Variants in UBA6 observed in about 807,000 individuals in gnomAD.
UBA6 encodes the protein ubiquitin-like modifier-activating enzyme 6.
UBA6 carries 87 observed loss-of-function variants against 148.3 expected under a neutral mutation model. That is an observed-to-expected ratio of 0.59 (90% confidence interval 0.49 to 0.70). The LOEUF (loss-of-function observed/expected upper bound fraction) is 0.70. Ranked by LOEUF, UBA6 falls within the 30% of genes least tolerant of loss-of-function variation. The pLI is 0.00. For missense variants in UBA6, 1,186 were observed against 1,241.2 expected (o/e 0.96, Z 0.67); for synonymous variants, 376 against 401.0 (o/e 0.94, Z 0.75).
chr4:67,641,205 C>G lies in UBA6; in HGVS notation c.1500G>C (p.Leu500Phe), dbSNP rs779380702. The stretch of plus-strand genomic sequence containing the variant: ...GTCTATTTAAGTTGGATTTCTCTAT[C>G]AAGTCAGGATCTGTAACTGTAATCT... ...KGMITVTDPD[L>F]IEKSNLNRQF... Residue 500 changes from leucine to phenylalanine, a missense_variant, in exon 18 of 33, where the codon TTG (leucine) becomes TTC (phenylalanine). Transcript: ENST00000322244. 6.3e-7 allele frequency: 1 copy of G among 1,597,180 alleles called. No individual in the cohort carries two copies. Among genetic ancestry groups the G allele is most frequent in the Non-Finnish European group, 8.5e-7 (1 of 1,170,840 alleles).
rs531091066 is a variant in UBA6, at chr4:67,632,214, A to C, written c.2143-306T>G. Among the ~76,000 whole-genome samples the C allele has an allele frequency of 2.9e-4, 44 of 152,302 alleles. No individual in the cohort carries two copies. The South Asian group carries it at 8.9e-3, about 31-fold the overall frequency. On this transcript the variant is annotated intron_variant, in intron 23 of 32. Coordinates refer to ENST00000322244, the MANE Select transcript of UBA6 (RefSeq NM_018227.6). ...TCACTCCTTTTTATATAAATGGCAT[A>C]TTTTACATGTCATTCTGTTCTTTTT...
Position 67,677,718 on chromosome 4 carries a change from C to T in UBA6, c.358G>A (p.Glu120Lys). 3 of 1,546,938 alleles carry T rather than the reference C, an allele frequency of 1.9e-6. No homozygotes were observed. Among genetic ancestry groups the T allele is most frequent in the African/African-American group, 2.8e-5 (2 of 72,374 alleles). ...DDVVNKRNRAEAVLKHIAELN... is the reference protein window; with the variant it reads ...DDVVNKRNRAKAVLKHIAELN... ...TCTGCAATATGTTTAAGTACAGCTT[C>T]AGCCCTAAAAAAATAAAATAAATTT... The change falls in exon 6 of 33, where the codon GAA becomes AAA. Residue 120 changes from glutamate (E) to lysine (K), a missense_variant. Coordinates refer to ENST00000322244, the MANE Select transcript of UBA6 (RefSeq NM_018227.6).
At chr4:67,634,181 T>G in intron 22 of UBA6, 61 bp downstream of exon 22, 1 of 1,210,300 alleles carries the variant, frequency 8.3e-7, no homozygotes, top group Non-Finnish European at 1.2e-6. Flanking sequence ...GTAGATGACT[T>G]GAAAATAAGA....
At chr4:67,682,067 C>A (rs1730454285) in intron 3 of UBA6, 52 bp downstream of exon 3, 1 of 1,336,554 alleles carries the variant, frequency 7.5e-7, no homozygotes, top group African/African-American at 1.5e-5. Context: ...GTTATTTAAA[C>A]TATCTTCATT....
Position 67,615,172 on chromosome 4 carries a change from G to A in UBA6, c.*3825C>T, listed in dbSNP as rs1429092775. The A allele has an allele frequency of 6.6e-6, 1 of 152,202 alleles. No homozygotes were observed. Among genetic ancestry groups the A allele is most frequent in the African/African-American group, 2.4e-5 (1 of 41,448 alleles). 9.4% of individuals were successfully genotyped at this position (152,202 alleles called of 1,614,324 possible). A position where few individuals can be genotyped will look rare whatever the true frequency, so the allele number is the denominator to read the frequency against. On this transcript the variant is annotated 3_prime_UTR_variant, in exon 33 of 33. Transcript: ENST00000322244. ...CTGGTGGGAGGTGTTCGGGTTATGG[G>A]GATGGATATCTGGATCCCTCATAAA...
At chr4:67,692,553 C>A (rs890312005) in intron 2 of UBA6, among the ~76,000 whole-genome samples, 1 of 152,128 alleles carries the variant, frequency 6.6e-6, no homozygotes, top group Non-Finnish European at 1.5e-5. Context: ...GGACAAGAAC[C>A]CTTTTTCTGG....
chr4:67,687,403 T>C (rs184348098), intron 2 of UBA6, among the ~76,000 whole-genome samples: 3 of 152,320 alleles, frequency 2.0e-5, no homozygotes, highest in East Asian at 1.9e-4. Context: ...AAAGAAAGAT[T>C]AAGCAACTAG....
intron 17 of UBA6, among the ~76,000 whole-genome samples, chr4:67,642,500 T>TA (rs1729330355): frequency 6.6e-6 from 1 of 152,076 alleles, no homozygotes; most frequent in Non-Finnish European, 1.5e-5. Context: ...AATGCCTCTA[T>TA]ATACCCTTTA....
intron 2 of UBA6, among the ~76,000 whole-genome samples, chr4:67,686,150 C>G (rs532970587): frequency 7.9e-5 from 12 of 152,108 alleles, no homozygotes; most frequent in Non-Finnish European, 1.8e-4. Flanking sequence ...AAAAATTCAC[C>G]CTTTTATGAA....
Position 67,623,137 on chromosome 4 carries a change from T to A in UBA6, c.2926A>T (p.Lys976Ter). 1 of 1,609,798 alleles carries A rather than the reference T, an allele frequency of 6.2e-7. No individual in the cohort carries two copies. The highest frequency in any genetic ancestry group is 8.5e-7 in the Non-Finnish European group (1 of 1,176,924). The change falls in exon 31 of 33, where the codon AAA becomes TAA. Residue 976 changes from lysine to a stop codon, truncating the protein, a stop_gained and splice_region_variant. Transcript: ENST00000322244. LOFTEE classifies it high-confidence loss of function. ...FTLLDFINAV[K>*]EKYGIEPTMV... Reference sequence around the variant, plus strand: ...CTAAATGAACAAAAGTATCTCACTTTGACTGCATTTATGAAATCCAAGAGG... The same window carrying A: ...CTAAATGAACAAAAGTATCTCACTTAGACTGCATTTATGAAATCCAAGAGG...
Position 67,636,750 on chromosome 4 carries a change from A to AC in UBA6, c.1737-1193dup, listed in dbSNP as rs1435622504. On this transcript the variant is annotated intron_variant, in intron 19 of 32. Coordinates refer to ENST00000322244, the MANE Select transcript of UBA6 (RefSeq NM_018227.6). ...GTGATCTCGGCTAGCTACAACCTCC[A>AC]CCCCCCAGCCGCCTGCCTTGGCCTC... Among the ~76,000 whole-genome samples, 12 of 150,772 alleles carry AC rather than the reference A, an allele frequency of 8.0e-5. No homozygotes were observed. In the South Asian group the frequency reaches 2.5e-3, roughly 32 times the overall value.
In UBA6 at chr4:67,641,191, T is replaced by C. The variant is rs112259964; in HGVS notation, c.1514A>G (p.Asn505Ser). Residue 505 changes from asparagine (N) to serine (S), a missense_variant, in exon 18 of 33, where the codon AAC becomes AGC. Asn to Ser is a conservative substitution (Grantham distance 46). Transcript: ENST00000322244. The part of the protein sequence containing the change: ...VTDPDLIEKS[N>S]LNRQFLFRPH... ...ACGAAATAGGAACTGTCTATTTAAG[T>C]TGGATTTCTCTATCAAGTCAGGATC... The C allele has an allele frequency of 2.5e-6, 4 of 1,599,666 alleles. No homozygotes were observed. Among genetic ancestry groups the C allele is most frequent in the Non-Finnish European group, 3.4e-6 (4 of 1,173,762 alleles).
chr4:67,700,204 T>C (rs569125995), intron 1 of UBA6, among the ~76,000 whole-genome samples: 1 of 152,350 alleles, frequency 6.6e-6, no homozygotes, highest in African/African-American at 2.4e-5. Flanking sequence ...GTGTTGGCAA[T>C]GGCAGACAAC....
chr4:67,661,918 TA>T (rs1004730734), intron 13 of UBA6: 9 of 427,070 alleles, frequency 2.1e-5, no homozygotes, highest in Middle Eastern at 5.9e-4. Context: ...TAGTAACAGT[TA>T]AAAAAATAGC....
intron 2 of UBA6, among the ~76,000 whole-genome samples, chr4:67,694,692 T>A (rs752257948): frequency 2.6e-5 from 4 of 152,210 alleles, no homozygotes; most frequent in Non-Finnish European, 4.4e-5. Context: ...CCACTGTGCC[T>A]GGCCACATCT....
chr4:67,651,039 G>T (rs1385317527), intron 13 of UBA6, among the ~76,000 whole-genome samples: 2 of 152,010 alleles, frequency 1.3e-5, no homozygotes, highest in African/African-American at 2.4e-5. Context: ...AATCTAAAAA[G>T]CACCTAAAAC....
chr4:67,629,019 A>C, intron 27 of UBA6, 52 bp downstream of exon 27: 1 of 1,267,286 alleles, frequency 7.9e-7, no homozygotes. Flanking sequence ...GGGACTTGGT[A>C]CAAGTCCAAA....
intron 2 of UBA6, among the ~76,000 whole-genome samples, chr4:67,690,507 C>T (rs2109957827): frequency 6.6e-6 from 1 of 152,082 alleles, no homozygotes; most frequent in East Asian, 1.9e-4. Context: ...CAAAAGACAA[C>T]CTACAGAATG....
chr4:67,626,749 C>A (rs935864521), intron 27 of UBA6, among the ~76,000 whole-genome samples: 1 of 151,718 alleles, frequency 6.6e-6, no homozygotes, highest in African/African-American at 2.4e-5. Flanking sequence ...GACAGAACTC[C>A]AATATATCTA....
Sources: gnomAD v4.1 joint callset for allele counts (sites outside exome capture counted in the v4.1 genomes callset) on GRCh38, gnomAD v4.1.1 for gene constraint, MANE v1.5 for transcripts, NCBI Gene and HGNC (gene_info 2026-07-23, HGNC 2026-07-21) for gene names.